IRAG1: variants seen among roughly 807,000 people sequenced by gnomAD.
IRAG1 encodes the protein inositol 1,4,5-triphosphate receptor associated 1, also known as IP3R-associated cGMP kinase substrate.
A neutral mutation model predicts 106.2 loss-of-function variants in IRAG1; 62 were observed. The observed-to-expected ratio is 0.58, with a 90% CI of 0.48 to 0.72. The LOEUF (loss-of-function observed/expected upper bound fraction) is 0.72, where lower values mean the gene tolerates loss of function less well. Among genes scored for constraint, IRAG1 ranks in the 30% least tolerant of loss-of-function variants. The probability of loss-of-function intolerance (pLI) is 0.00; values close to 1 mark genes in which losing one functional copy is unlikely to be tolerated. For missense variants in IRAG1, 1,064 were observed against 1,140.7 expected (o/e 0.93, Z 0.97); for synonymous variants, 462 against 443.9 (o/e 1.04, Z -0.51).
chr11:10,632,313 G>A (rs181455787), intron 3 of IRAG1, among the ~76,000 whole-genome samples: 13 of 151,584 alleles, frequency 8.6e-5, no homozygotes, highest in Admixed American at 3.3e-4. Context: ...AGCCTCCCAA[G>A]TATCTGAGAC....
intron 18 of IRAG1, among the ~76,000 whole-genome samples, chr11:10,583,371 C>T (rs1851587485): frequency 6.6e-6 from 1 of 152,068 alleles, no homozygotes; most frequent in Admixed American, 6.6e-5. Context: ...AAGAGGAAAC[C>T]TAGGAGCAGG....
intron 5 of IRAG1, 49 bp downstream of exon 5, chr11:10,629,489 C>T (rs563550767): frequency 1.4e-5 from 22 of 1,575,174 alleles, no homozygotes; most frequent in African/African-American, 8.1e-5. Context: ...CCTTCCCTCC[C>T]GACCCTAGAG....
intron 10 of IRAG1, among the ~76,000 whole-genome samples, chr11:10,613,857 C>G (rs1855176681): frequency 6.6e-6 from 1 of 152,108 alleles, no homozygotes; most frequent in Non-Finnish European, 1.5e-5. Flanking sequence ...GAGTGACAGC[C>G]CCTCTCAAGG....
At chr11:10,683,886 TAAAAA>T (rs34835579) in intron 1 of IRAG1, among the ~76,000 whole-genome samples, 2 of 147,408 alleles carry the variant, frequency 1.4e-5, no homozygotes, top group African/African-American at 2.5e-5. Context: ...GTTGACACTT[TAAAAA>T]AAAAAAAAAA....
Position 10,601,475 on chromosome 11 carries a change from GT to G in IRAG1, c.1876-417del, listed in dbSNP as rs574589197. 3.3e-5 allele frequency among the ~76,000 whole-genome samples: 5 copies of G among 152,258 alleles called. No homozygotes were observed. In the East Asian group the frequency reaches 9.6e-4, roughly 29 times the overall value. On this transcript the variant is annotated intron_variant, in intron 14 of 20. Transcript: ENST00000423302. ...AGCACAGGGCTTATATGTAGATGAGGTTTTATCCTCTGAATAAGAGTCCTCT... is the reference window on the plus strand; with the variant it reads ...AGCACAGGGCTTATATGTAGATGAGGTTTATCCTCTGAATAAGAGTCCTCT...
chr11:10,624,828 C>T (rs1022262380), intron 9 of IRAG1, among the ~76,000 whole-genome samples: 15 of 152,172 alleles, frequency 9.9e-5, no homozygotes, highest in Middle Eastern at 3.4e-3. Flanking sequence ...TCTGGGTGGG[C>T]GAAATCTGCA....
At chr11:10,605,919 G>GT in intron 12 of IRAG1, among the ~76,000 whole-genome samples, 1 of 152,304 alleles carries the variant, frequency 6.6e-6, no homozygotes, top group East Asian at 1.9e-4. Context: ...CTAGGTCTTG[G>GT]TTTTGCCAAC....
intron 1 of IRAG1, among the ~76,000 whole-genome samples, chr11:10,672,699 A>T (rs1198261404): frequency 6.6e-6 from 1 of 152,248 alleles, no homozygotes; most frequent in Non-Finnish European, 1.5e-5. Flanking sequence ...TGAAGAAACT[A>T]GAACCCTTAT....
intron 15 of IRAG1, 37 bp downstream of exon 15, chr11:10,600,881 T>C: frequency 1.9e-6 from 3 of 1,612,454 alleles, no homozygotes; most frequent in Non-Finnish European, 2.5e-6. Context: ...AAGTCCACCT[T>C]GTAGGGCCAA....
intron 15 of IRAG1, among the ~76,000 whole-genome samples, chr11:10,599,328 T>C (rs767680709): frequency 7.2e-5 from 11 of 152,200 alleles, no homozygotes; most frequent in Non-Finnish European, 1.5e-4. Flanking sequence ...AATGAACGAA[T>C]GAGACTCATG....
At chr11:10,586,569 C>T (rs1233911493) in intron 18 of IRAG1, among the ~76,000 whole-genome samples, 1 of 152,092 alleles carries the variant, frequency 6.6e-6, no homozygotes, top group Admixed American at 6.6e-5. Context: ...AGGCGTGCAC[C>T]ATCACGCCTG....
chr11:10,648,976 AC>A (rs2134859570), intron 2 of IRAG1, among the ~76,000 whole-genome samples: 1 of 152,308 alleles, frequency 6.6e-6, no homozygotes, highest in East Asian at 1.9e-4. Flanking sequence ...GGAGCTGTAA[AC>A]TTAGAAGGAT....
Position 10,647,885 on chromosome 11 carries a change from C to T in IRAG1, c.225+4140G>A, listed in dbSNP as rs1347207573. 6.6e-6 allele frequency among the ~76,000 whole-genome samples: 1 copy of T among 152,156 alleles called. No homozygotes were observed. On this transcript the variant is annotated intron_variant, in intron 2 of 20. Transcript: ENST00000423302. The surrounding 1 kb of genome is among the most constrained non-coding windows in gnomAD (Gnocchi z 4.3). ...ACTGAAGAAACTAGAGAAAAAGAGA[C>T]TCTGAGAAGACTCAGAACTGCCTTT...
chr11:10,592,377 A>G (rs950936019), intron 17 of IRAG1, among the ~76,000 whole-genome samples: 5 of 152,232 alleles, frequency 3.3e-5, no homozygotes, highest in Admixed American at 1.3e-4. Context: ...GTTAAAATAC[A>G]CTAACCAGTC....
intron 9 of IRAG1, among the ~76,000 whole-genome samples, chr11:10,624,474 G>A (rs1248208258): frequency 1.3e-5 from 2 of 152,226 alleles, no homozygotes; most frequent in Non-Finnish European, 2.9e-5. Flanking sequence ...TGTGGCCCAA[G>A]TGGGCTCACA....
chr11:10,575,644 TTGTGTGTGTGTACACAACAGTA>T lies in IRAG1; in HGVS notation c.*666_*687del, dbSNP rs1284456923. 2.6e-5 allele frequency: 4 copies of T among 153,030 alleles called. No homozygotes were observed. In the East Asian group the frequency reaches 7.7e-4, roughly 29 times the overall value. 9.5% of individuals were successfully genotyped at this position (153,030 alleles called of 1,614,324 possible). A position where few individuals can be genotyped will look rare whatever the true frequency, so the allele number is the denominator to read the frequency against. ...GTTGTTGGCTCTGTGCACAGGCATG[TTGTGTGTGTGTACACAACAGTA>T]TGTGTGTATGTGTGGACAGATGCGT... On this transcript the variant is annotated 3_prime_UTR_variant, in exon 21 of 21. Transcript: ENST00000423302.
chr11:10,626,299 C>G lies in IRAG1; in HGVS notation c.1035G>C (p.Pro345=), dbSNP rs369311388. 1 of 1,612,828 alleles carries G rather than the reference C, an allele frequency of 6.2e-7. No individual in the cohort carries two copies. Among genetic ancestry groups the G allele is most frequent in the African/African-American group, 1.3e-5 (1 of 74,922 alleles). Residue 345 remains proline (P), a synonymous_variant, in exon 9 of 21, where the codon CCG becomes CCC. Transcript: ENST00000423302. ...CTGCCGCATCCTGGGTTGGACTTCT[C>G]GGCAGAGGGCTGCCCTCCCAGCCCG... ...LKTGWEGSPL[P]RSPTQDAAGV... is the part of the protein sequence containing the mutation.
chr11:10,632,130 T>G, intron 3 of IRAG1, 69 bp from the exon 4 acceptor site: 1 of 987,152 alleles, frequency 1.0e-6, no homozygotes, highest in Non-Finnish European at 1.6e-6. Flanking sequence ...AAAAGATGCC[T>G]GTATATTCTT....
chr11:10,639,521 C>T (rs1245647203), intron 2 of IRAG1, among the ~76,000 whole-genome samples: 1 of 152,160 alleles, frequency 6.6e-6, no homozygotes, highest in East Asian at 1.9e-4. Context: ...ATAGAAGGAA[C>T]TTCATTCTTT....
Sources: gnomAD v4.1 joint callset for allele counts (sites outside exome capture counted in the v4.1 genomes callset) on GRCh38, gnomAD v4.1.1 for gene constraint, Gnocchi (gnomAD v3.1) non-coding constraint, MANE v1.5 for transcripts, NCBI Gene and HGNC (gene_info 2026-07-23, HGNC 2026-07-21) for gene names.